PVT1: variants seen among roughly 807,000 people sequenced by gnomAD.
PVT1 encodes CXCR4/PVT1 fusion.
chr8:127,837,502 T>A (rs1814923226), intron 2 of PVT1, among the ~76,000 whole-genome samples: 2 of 152,232 alleles, frequency 1.3e-5, no homozygotes, highest in Admixed American at 6.5e-5. Context: ...TTCCCTTGAT[T>A]TATTGTTTTT....
intron 3 of PVT1, among the ~76,000 whole-genome samples, chr8:127,937,259 C>CTTTT (rs796343025): frequency 1.3e-5 from 1 of 79,576 alleles, no homozygotes; most frequent in South Asian, 4.0e-4. Context: ...TTTTTCTTTT[C>CTTTT]TTTTTTCTTT....
At chr8:128,083,623 T>C (rs1191170408) in intron 5 of PVT1, among the ~76,000 whole-genome samples, 1 of 152,210 alleles carries the variant, frequency 6.6e-6, no homozygotes, top group African/African-American at 2.4e-5. Context: ...CAGCCGCCTT[T>C]GAAGGCTCTA....
At chr8:127,940,923 G>T (rs1168743376) in intron 3 of PVT1, among the ~76,000 whole-genome samples, 1 of 152,202 alleles carries the variant, frequency 6.6e-6, no homozygotes, top group Admixed American at 6.5e-5. Flanking sequence ...ATCTAGGGCA[G>T]AGGTCAGACA....
At chr8:128,008,618 T>C (rs1817275147) in intron 4 of PVT1, among the ~76,000 whole-genome samples, 1 of 152,242 alleles carries the variant, frequency 6.6e-6, no homozygotes. Context: ...TGCTGCCTTC[T>C]GGGTTCCTCT....
chr8:127,958,635 AAGTC>A (rs1330487824), intron 3 of PVT1, among the ~76,000 whole-genome samples: 2 of 152,170 alleles, frequency 1.3e-5, no homozygotes, highest in Middle Eastern at 3.2e-3. Flanking sequence ...AGAGAGGAGA[AAGTC>A]AGGCGCCAGA....
intron 4 of PVT1, among the ~76,000 whole-genome samples, chr8:127,989,896 G>A (rs1817013524): frequency 6.6e-6 from 1 of 152,158 alleles, no homozygotes; most frequent in Admixed American, 6.5e-5. Context: ...CTCCTCATTA[G>A]TAAAATAGGG....
chr8:127,830,370 G>T (rs10089888), intron 2 of PVT1, among the ~76,000 whole-genome samples: 91,837 of 151,676 alleles, frequency 0.61, 28,152 homozygotes, highest in Admixed American at 0.7. Context: ...GTGGAGAGGG[G>T]CAGGGATGGA....
intron 3 of PVT1, among the ~76,000 whole-genome samples, chr8:127,961,544 C>G (rs1459552195): frequency 6.6e-6 from 1 of 152,176 alleles, no homozygotes; most frequent in Non-Finnish European, 1.5e-5. Flanking sequence ...GGGTGAGCAT[C>G]TAAGGTAAGT....
chr8:127,841,464 G>A (rs1814974045), intron 2 of PVT1, among the ~76,000 whole-genome samples: 1 of 151,992 alleles, frequency 6.6e-6, no homozygotes, highest in Non-Finnish European at 1.5e-5. Flanking sequence ...AGTAGAGAGG[G>A]GGTTTTGCCA....
chr8:127,919,541 C>T (rs935647836), intron 3 of PVT1, among the ~76,000 whole-genome samples: 6 of 152,178 alleles, frequency 3.9e-5, no homozygotes, highest in African/African-American at 1.2e-4. Context: ...GGTCTGCCCC[C>T]TCCCCTGAGC....
chr8:128,016,363 T>C (rs1817374181), intron 4 of PVT1, among the ~76,000 whole-genome samples: 1 of 152,198 alleles, frequency 6.6e-6, no homozygotes, highest in South Asian at 2.1e-4. Context: ...GTTGGGTTTG[T>C]GAACCTACCC....
intron 3 of PVT1, among the ~76,000 whole-genome samples, chr8:127,909,016 T>C (rs1447664654): frequency 6.6e-6 from 1 of 152,178 alleles, no homozygotes; most frequent in African/African-American, 2.4e-5. Context: ...GCCCGTTTTT[T>C]CCCCACGTGG....
chr8:127,929,649 T>TC (rs1424419388), intron 3 of PVT1, among the ~76,000 whole-genome samples: 1 of 152,070 alleles, frequency 6.6e-6, no homozygotes, highest in Non-Finnish European at 1.5e-5. Flanking sequence ...GCGCCTGTAG[T>TC]CCCAGCTACT....
In PVT1 at chr8:128,022,898, G is replaced by A. The variant is rs533640519; in HGVS notation, n.912+33607G>A. Reference sequence around the variant, plus strand: ...TTTTTTTTTTTTAAGACAGAGTCCCGCTCTGTGGCCCAGGCTGGAGTGCAG... The same window carrying A: ...TTTTTTTTTTTTAAGACAGAGTCCCACTCTGTGGCCCAGGCTGGAGTGCAG... On this transcript the variant is annotated intron_variant and non_coding_transcript_variant, in intron 4 of 10. Coordinates refer to ENST00000651587, the Ensembl canonical transcript of PVT1. Among the ~76,000 whole-genome samples the A allele has an allele frequency of 6.9e-4, 98 of 141,058 alleles. 1 individual carries two copies. The highest frequency in any genetic ancestry group is 4.6e-3 in the South Asian group (20 of 4,346). 92.5% of individuals were successfully genotyped at this position (141,058 alleles called of 152,430 possible).
intron 3 of PVT1, chr8:127,932,404 G>T: frequency 2.5e-6 from 1 of 398,558 alleles, no homozygotes; most frequent in South Asian, 1.3e-4. Flanking sequence ...AAGGAGGCTC[G>T]AACATGGGAG....
At chr8:127,841,277 A>AT (rs897715809) in intron 2 of PVT1, among the ~76,000 whole-genome samples, 3 of 151,814 alleles carry the variant, frequency 2.0e-5, no homozygotes, top group Non-Finnish European at 2.9e-5. Flanking sequence ...ATTTTATTTT[A>AT]TTTTTTTATT....
chr8:127,882,459 G>A (rs892058840), intron 2 of PVT1, among the ~76,000 whole-genome samples: 1 of 151,960 alleles, frequency 6.6e-6, no homozygotes, highest in Admixed American at 6.6e-5. Context: ...AGGAGACATC[G>A]TCTTTTTGGC....
In PVT1 at chr8:127,830,358, A is replaced by G. The variant is rs55688368; in HGVS notation, n.372+34287A>G. Among the ~76,000 whole-genome samples, 867 of 151,934 alleles carry G rather than the reference A, an allele frequency of 5.7e-3. 8 individuals carry two copies. Among genetic ancestry groups the G allele is most frequent in the African/African-American group, 0.02 (833 of 41,458 alleles). ...GAGGGAGAGGTGTGGTTGGCTTGGC[A>G]GGTGGAGAGGGGCAGGGATGGAAGC... On this transcript the variant is annotated intron_variant and non_coding_transcript_variant, in intron 2 of 10. Transcript: ENST00000651587.
intron 2 of PVT1, among the ~76,000 whole-genome samples, chr8:127,851,683 G>A (rs1242544673): frequency 6.6e-6 from 1 of 152,190 alleles, no homozygotes; most frequent in South Asian, 2.1e-4. Flanking sequence ...CTTTCAGGAG[G>A]GTGAATCTGC....
Sources: allele counts gnomAD v4.1 joint callset (sites outside exome capture counted in the v4.1 genomes callset), GRCh38; gene constraint gnomAD v4.1.1; transcripts MANE v1.5; gene names NCBI Gene and HGNC (gene_info 2026-07-23, HGNC 2026-07-21).